The following CACNA2D3 variants were observed in gnomAD, a reference collection of about 807,000 sequenced individuals.
The protein encoded by CACNA2D3 is voltage-dependent calcium channel subunit alpha-2/delta-3.
Under a neutral mutation model 160.6 loss-of-function variants are expected in CACNA2D3, and 60 were observed. The ratio of observed to expected loss-of-function variants is 0.37; its 90% confidence interval spans 0.30 to 0.46. The LOEUF is 0.46. CACNA2D3 is among the 20% of genes least tolerant of loss of function. The pLI is 1.00. For missense variants in CACNA2D3, 1,205 were observed against 1,365.0 expected (o/e 0.88, Z 1.85); for synonymous variants, 558 against 492.9 (o/e 1.13, Z -1.75).
At chr3:54,895,473 T>C (rs9868201) in intron 25 of CACNA2D3, among the ~76,000 whole-genome samples, 23,961 of 152,122 alleles carry the variant, frequency 0.16, 2,071 homozygotes, top group African/African-American at 0.23. Flanking sequence ...CACTCCATCT[T>C]TGGTAGAGGT....
At chr3:54,884,810 C>A (rs1699884985) in intron 21 of CACNA2D3, among the ~76,000 whole-genome samples, 1 of 152,208 alleles carries the variant, frequency 6.6e-6, no homozygotes, top group South Asian at 2.1e-4. Flanking sequence ...ATTTCACCCT[C>A]ACAACCACAC....
chr3:54,141,758 A>G (rs1020639075), intron 2 of CACNA2D3, among the ~76,000 whole-genome samples: 2 of 152,190 alleles, frequency 1.3e-5, no homozygotes, highest in Non-Finnish European at 2.9e-5. Context: ...TCCAGAGAAA[A>G]TGTTACTGCC....
At chr3:54,698,172 C>T (rs1332128457) in intron 11 of CACNA2D3, among the ~76,000 whole-genome samples, 1 of 152,144 alleles carries the variant, frequency 6.6e-6, no homozygotes, top group Non-Finnish European at 1.5e-5. Flanking sequence ...GACTGCCTGT[C>T]AGTGTGGAAC....
chr3:54,829,435 G>C (rs1400498620), intron 14 of CACNA2D3, among the ~76,000 whole-genome samples: 1 of 152,070 alleles, frequency 6.6e-6, no homozygotes, highest in African/African-American at 2.4e-5. Context: ...GGACTTTTTT[G>C]GCTGGTGGAG....
At chr3:54,776,806 G>A (rs1453757410) in intron 13 of CACNA2D3, among the ~76,000 whole-genome samples, 1 of 152,094 alleles carries the variant, frequency 6.6e-6, no homozygotes, top group East Asian at 1.9e-4. Flanking sequence ...CCCACATCCT[G>A]GAGGATGCTG....
In CACNA2D3 at chr3:54,697,328, A is replaced by T. The variant is rs1700682854; in HGVS notation, c.1167+55087A>T. 2.0e-5 allele frequency among the ~76,000 whole-genome samples: 3 copies of T among 152,146 alleles called. No individual in the cohort carries two copies. In the South Asian group the frequency reaches 6.2e-4, roughly 32 times the overall value. On this transcript the variant is annotated intron_variant, in intron 11 of 37. Transcript: ENST00000474759. The stretch of plus-strand genomic sequence containing the variant: ...TCCTGGCTCTGTTTCTGAAGTTTCT[A>T]ACTCTGGGTCCAGAGTCAGACTCAG...
chr3:54,567,149 A>G (rs944219645), intron 6 of CACNA2D3, among the ~76,000 whole-genome samples: 6 of 152,138 alleles, frequency 3.9e-5, no homozygotes, highest in African/African-American at 1.4e-4. Context: ...TTGGCAAGAG[A>G]GATGGCATCT....
chr3:55,011,041 G>A (rs1703199766), intron 34 of CACNA2D3, among the ~76,000 whole-genome samples: 2 of 152,244 alleles, frequency 1.3e-5, no homozygotes, highest in African/African-American at 2.4e-5. Flanking sequence ...CTATAGTCAT[G>A]GCTTTGTAAC....
At chr3:54,484,299 C>T (rs940550332) in intron 4 of CACNA2D3, among the ~76,000 whole-genome samples, 1 of 152,196 alleles carries the variant, frequency 6.6e-6, no homozygotes, top group African/African-American at 2.4e-5. Context: ...CCATGACCCC[C>T]TCCCCGCGGA....
chr3:55,054,728 T>A (rs1704320146), intron 35 of CACNA2D3, among the ~76,000 whole-genome samples: 1 of 152,010 alleles, frequency 6.6e-6, no homozygotes. Flanking sequence ...ACACAATTAC[T>A]GTACAAGTTT....
intron 11 of CACNA2D3, among the ~76,000 whole-genome samples, chr3:54,705,901 C>T (rs1416663428): frequency 1.3e-5 from 2 of 151,984 alleles, no homozygotes; most frequent in Non-Finnish European, 2.9e-5. Flanking sequence ...GACTCTCATG[C>T]CTCATAAAGT....
chr3:54,640,166 G>A (rs540413356), intron 10 of CACNA2D3, among the ~76,000 whole-genome samples: 54 of 152,336 alleles, frequency 3.5e-4, no homozygotes, highest in Middle Eastern at 3.4e-3. Flanking sequence ...GCATGTCATA[G>A]GGGATGCGAT....
chr3:54,174,807 GAGCCACT>G (rs1354007106), intron 2 of CACNA2D3, among the ~76,000 whole-genome samples: 1 of 152,254 alleles, frequency 6.6e-6, no homozygotes, highest in Non-Finnish European at 1.5e-5. Context: ...TTACAGGCGT[GAGCCACT>G]GTGCCTGGCC....
rs112132055 is a variant in CACNA2D3, at chr3:54,473,152, C to G, written c.382-30340C>G. 5.8e-3 allele frequency among the ~76,000 whole-genome samples: 877 copies of G among 152,252 alleles called. 10 individuals are homozygous for G. The highest frequency in any genetic ancestry group is 9.9e-3 in the Non-Finnish European group (675 of 68,012). On this transcript the variant is annotated intron_variant, in intron 4 of 37. Coordinates refer to ENST00000474759, the MANE Select transcript of CACNA2D3 (RefSeq NM_018398.3). ...AAACTATACTACAAGACTACAGTAACCAAAACAGCATGGTACTGGTACCAA... is the reference window on the plus strand; with the variant it reads ...AAACTATACTACAAGACTACAGTAAGCAAAACAGCATGGTACTGGTACCAA...
intron 2 of CACNA2D3, among the ~76,000 whole-genome samples, chr3:54,172,957 G>A (rs549541747): frequency 6.6e-6 from 1 of 152,222 alleles, no homozygotes; most frequent in Admixed American, 6.5e-5. Flanking sequence ...GCAGGATGGG[G>A]TGACCAGCTA....
intron 17 of CACNA2D3, among the ~76,000 whole-genome samples, chr3:54,857,019 A>G (rs1049013206): frequency 3.9e-5 from 6 of 152,140 alleles, no homozygotes; most frequent in African/African-American, 1.4e-4. Context: ...GAGCTCAGGC[A>G]AGCCACCTGT....
At chr3:54,509,229 A>C (rs1161687426) in intron 5 of CACNA2D3, among the ~76,000 whole-genome samples, 2 of 152,180 alleles carry the variant, frequency 1.3e-5, no homozygotes, top group African/African-American at 2.4e-5. Context: ...CAAACCTTAT[A>C]AAAAGCTGTT....
chr3:55,057,439 A>G (rs968205090), intron 35 of CACNA2D3, among the ~76,000 whole-genome samples: 3 of 152,204 alleles, frequency 2.0e-5, no homozygotes, highest in Admixed American at 2.0e-4. Flanking sequence ...CCATCCCACC[A>G]AAAAAGAGGG....
intron 4 of CACNA2D3, among the ~76,000 whole-genome samples, chr3:54,465,734 G>T (rs1410905305): frequency 6.6e-6 from 1 of 152,202 alleles, no homozygotes; most frequent in Admixed American, 6.5e-5. Flanking sequence ...TCAACCTAGA[G>T]ATGTACTACT....
Sources: gnomAD v4.1 joint callset for allele counts (sites outside exome capture counted in the v4.1 genomes callset) on GRCh38, gnomAD v4.1.1 for gene constraint, MANE v1.5 for transcripts, NCBI Gene and HGNC (gene_info 2026-07-23, HGNC 2026-07-21) for gene names.